Variants in EFCAB5 observed in about 807,000 individuals in gnomAD.
The protein encoded by EFCAB5 is EF-hand calcium binding domain 5.
A neutral mutation model predicts 167.9 loss-of-function variants in EFCAB5; 131 were observed. That is an observed-to-expected ratio of 0.78 (90% CI 0.68 to 0.90). The LOEUF is 0.90. Among genes scored for constraint, EFCAB5 ranks in the 40% least tolerant of loss-of-function variants. The pLI is 0.00. For missense variants in EFCAB5, 1,663 were observed against 1,745.2 expected, an observed-to-expected ratio of 0.95 and a Z score of 0.84; for synonymous variants, 574 against 602.8, an observed-to-expected ratio of 0.95 and a Z score of 0.70.
chr17:30,076,777 AG>A (rs2070876194), intron 14 of EFCAB5, among the ~76,000 whole-genome samples: 2 of 152,218 alleles, frequency 1.3e-5, no homozygotes, highest in Admixed American at 1.3e-4. Flanking sequence ...TGTTCATATG[AG>A]TAAAATATTG....
chr17:30,085,353 C>T lies in EFCAB5; in HGVS notation c.3580-1710C>T, dbSNP rs144583678. ...ACCTCTGTCTATTTCTTTGGAGTAC[C>T]GAACTTATTAAATAGGTAACTGCAT... On this transcript the variant is annotated intron_variant, in intron 18 of 22. Transcript: ENST00000394835. Among the ~76,000 whole-genome samples the T allele has an allele frequency of 9.2e-4, 140 of 152,276 alleles. 1 individual carries two copies. In the East Asian group the frequency reaches 0.024, roughly 26 times the overall value.
chr17:30,034,498 A>C, intron 8 of EFCAB5, 113 bp downstream of exon 8: 2 of 1,323,608 alleles, frequency 1.5e-6, no homozygotes, highest in Non-Finnish European at 2.0e-6. Context: ...CAGGAGTTTG[A>C]GACCAGCCTG....
rs34720712 is a variant in EFCAB5, at chr17:30,086,591, C to CAA, written c.3580-462_3580-461dup. Among the ~76,000 whole-genome samples the CAA allele has an allele frequency of 9.4e-4, 138 of 147,176 alleles. 3 individuals carry two copies. The South Asian group carries it at 0.011, about 12-fold the overall frequency. On this transcript the variant is annotated intron_variant, in intron 18 of 22. Transcript: ENST00000394835. ...TTAAACCCTGTCTCTACTAAAGATA[C>CAA]AAAAAAAAAAATTAGCCGGGGCCGG...
chr17:29,997,114 G>C (rs575157838), intron 6 of EFCAB5, among the ~76,000 whole-genome samples: 2 of 151,822 alleles, frequency 1.3e-5, no homozygotes, highest in South Asian at 4.2e-4. Flanking sequence ...GCATGGTGGC[G>C]GGCGTCCGTA....
intron 4 of EFCAB5, among the ~76,000 whole-genome samples, chr17:29,979,154 A>G (rs1257935661): frequency 6.6e-6 from 1 of 152,136 alleles, no homozygotes; most frequent in Non-Finnish European, 1.5e-5. Context: ...GTTCAAGACC[A>G]GCCTGGCCAA....
At chr17:30,016,898 C>G (rs1026886277) in intron 7 of EFCAB5, among the ~76,000 whole-genome samples, 31 of 152,100 alleles carry the variant, frequency 2.0e-4, no homozygotes, top group African/African-American at 7.5e-4. Flanking sequence ...GAATAACAGC[C>G]AGCCACAGTG....
At chr17:30,014,665 C>T (rs1444026143) in intron 7 of EFCAB5, among the ~76,000 whole-genome samples, 4 of 152,150 alleles carry the variant, frequency 2.6e-5, no homozygotes, top group Admixed American at 2.0e-4. Flanking sequence ...AGATCTTCCT[C>T]CATCCCTTTA....
intron 19 of EFCAB5, among the ~76,000 whole-genome samples, chr17:30,088,291 ATTTT>A (rs563720265): frequency 6.7e-6 from 1 of 148,556 alleles, no homozygotes; most frequent in East Asian, 2.0e-4. Flanking sequence ...AGCTCATTTA[ATTTT>A]TTTTTTTAAG....
intron 7 of EFCAB5, among the ~76,000 whole-genome samples, chr17:30,001,603 G>T (rs912629559): frequency 6.6e-6 from 1 of 152,070 alleles, no homozygotes; most frequent in Non-Finnish European, 1.5e-5. Context: ...AGACCCTCAT[G>T]TCTAAAAACC....
rs751701305 is a variant in EFCAB5, at chr17:30,090,552, A to C, written c.3815A>C (p.Gln1272Pro). The C allele has an allele frequency of 3.1e-6, 5 of 1,614,042 alleles. No individual in the cohort carries two copies. In the South Asian group the frequency reaches 5.5e-5, roughly 18 times the overall value. ...GGAGTCCTCGATTTTAACATCGGCCAAAATAGGATGTTGTTGTGTCAAGAA... is the reference window on the plus strand; with the variant it reads ...GGAGTCCTCGATTTTAACATCGGCCCAAATAGGATGTTGTTGTGTCAAGAA... ...ALGVLDFNIGQNRMLLCQEYK... is the reference protein window; with the variant it reads ...ALGVLDFNIGPNRMLLCQEYK... The change falls in exon 20 of 23, where the codon CAA (glutamine) becomes CCA (proline). Residue 1272 changes from glutamine (Q) to proline (P), a missense_variant. By Grantham distance (76) the Gln-to-Pro change is moderately conservative (BLOSUM62 -1). Transcript: ENST00000394835.
chr17:29,974,094 T>G (rs2068016041), intron 4 of EFCAB5, among the ~76,000 whole-genome samples: 1 of 150,534 alleles, frequency 6.6e-6, no homozygotes, highest in Non-Finnish European at 1.5e-5. Context: ...AAGGCAGAGG[T>G]TGCAGTGAGC....
chr17:29,957,709 T>G (rs936553472), intron 3 of EFCAB5, among the ~76,000 whole-genome samples: 1 of 152,234 alleles, frequency 6.6e-6, no homozygotes, highest in African/African-American at 2.4e-5. Context: ...TGTACCACAT[T>G]TTCTTTATCC....
chr17:29,972,099 G>A (rs907665880), intron 4 of EFCAB5, among the ~76,000 whole-genome samples: 6 of 151,004 alleles, frequency 4.0e-5, no homozygotes, highest in Admixed American at 1.3e-4. Context: ...GTGCAGTGGC[G>A]TGATCTCGGC....
intron 3 of EFCAB5, among the ~76,000 whole-genome samples, chr17:29,962,371 T>G (rs959855404): frequency 1.3e-5 from 2 of 152,166 alleles, no homozygotes; most frequent in Non-Finnish European, 2.9e-5. Flanking sequence ...CAATGTTTTA[T>G]AGTTTTTAGC....
At chr17:29,956,933 G>A (rs930747621) in intron 3 of EFCAB5, among the ~76,000 whole-genome samples, 13 of 152,096 alleles carry the variant, frequency 8.5e-5, no homozygotes, top group African/African-American at 2.9e-4. Context: ...CATTTTGGAT[G>A]CATTTTATTT....
chr17:30,053,940 A>G lies in EFCAB5; in HGVS notation c.1986A>G (p.Glu662=), dbSNP rs2070180532. 4 of 1,614,054 alleles carry G rather than the reference A, an allele frequency of 2.5e-6. No homozygotes were observed. The highest frequency in any genetic ancestry group is 3.4e-6 in the Non-Finnish European group (4 of 1,179,894). The change falls in exon 10 of 23, where the codon GAA becomes GAG. Residue 662 remains glutamate (E), a synonymous_variant. Coordinates refer to ENST00000394835, the MANE Select transcript of EFCAB5 (RefSeq NM_198529.4). ...EQGPYGEIIS[E]EQEDIGSTSQ... is the part of the protein sequence containing the mutation. ...GACCTTATGGAGAGATAATTTCAGA[A>G]GAGCAAGAAGACATAGGCTCAACTT...
At chr17:29,956,130 A>G (rs1418372408) in intron 3 of EFCAB5, among the ~76,000 whole-genome samples, 1 of 152,220 alleles carries the variant, frequency 6.6e-6, no homozygotes, top group African/African-American at 2.4e-5. Flanking sequence ...ATATTGAAAC[A>G]GTTTTTTAGG....
Position 30,053,480 on chromosome 17 carries a change from A to G in EFCAB5, c.1526A>G (p.Gln509Arg), listed in dbSNP as rs1281361691. The G allele has an allele frequency of 6.2e-7, 1 of 1,613,920 alleles. No homozygotes were observed. Among genetic ancestry groups the G allele is most frequent in the African/African-American group, 1.3e-5 (1 of 74,938 alleles). ...CCATCACCAAACCCGCCAGAACAGC[A>G]GAGAGGAGTAACTGCAGAACAAGGA... ...STPSPNPPEQ[Q>R]RGVTAEQGPQ... The change falls in exon 10 of 23, where the codon CAG becomes CGG. Residue 509 changes from glutamine (Q) to arginine (R), a missense_variant. By Grantham distance (43) the Gln-to-Arg change is conservative. Transcript: ENST00000394835.
chr17:30,036,780 T>C (rs2069642138), intron 8 of EFCAB5, among the ~76,000 whole-genome samples: 1 of 152,122 alleles, frequency 6.6e-6, no homozygotes, highest in Non-Finnish European at 1.5e-5. Flanking sequence ...AAGCCCAGAC[T>C]TTAAATGGAA....
Sources: allele counts gnomAD v4.1 joint callset (sites outside exome capture counted in the v4.1 genomes callset), GRCh38; gene constraint gnomAD v4.1.1; transcripts MANE v1.5; gene names NCBI Gene and HGNC (gene_info 2026-07-23, HGNC 2026-07-21).